DOCK3: variants seen among roughly 807,000 people sequenced by gnomAD.
The protein encoded by DOCK3 is dedicator of cytokinesis 3, also known as dedicator of cytokinesis protein 3.
Under a neutral mutation model 265.6 loss-of-function variants are expected in DOCK3, and 60 were observed. The observed-to-expected ratio is 0.23, with a 90% CI of 0.18 to 0.28. The LOEUF is 0.28. Among genes scored for constraint, DOCK3 ranks in the 10% least tolerant of loss-of-function variants. The pLI, the probability that DOCK3 is intolerant of heterozygous loss-of-function variation, is 1.00. For missense variants in DOCK3, 1,981 were observed against 2,594.3 expected, an observed-to-expected ratio of 0.76 and a Z score of 5.14; for synonymous variants, 881 against 938.0, an observed-to-expected ratio of 0.94 and a Z score of 1.11.
At chr3:51,272,100 G>A (rs2080533911) in intron 24 of DOCK3, among the ~76,000 whole-genome samples, 1 of 152,180 alleles carries the variant, frequency 6.6e-6, no homozygotes. Flanking sequence ...ATCAAGTTCT[G>A]CCTTGCAGGG....
intron 27 of DOCK3, among the ~76,000 whole-genome samples, chr3:51,292,614 T>C (rs982093932): frequency 2.0e-5 from 3 of 152,000 alleles, no homozygotes; most frequent in African/African-American, 7.2e-5. Context: ...TCTACAAAAA[T>C]AAAGAAGTTA....
At chr3:51,266,660 T>G (rs1403503487) in intron 23 of DOCK3, among the ~76,000 whole-genome samples, 1 of 152,102 alleles carries the variant, frequency 6.6e-6, no homozygotes, top group Non-Finnish European at 1.5e-5. Context: ...TCCTTACACC[T>G]TATACAAAAA....
At chr3:51,281,238 T>C (rs927268765) in intron 27 of DOCK3, among the ~76,000 whole-genome samples, 2 of 147,940 alleles carry the variant, frequency 1.4e-5, no homozygotes, top group East Asian at 2.0e-4. Context: ...GGCCACACAT[T>C]AAATACACTA....
At chr3:50,884,046 C>G (rs942323235) in intron 3 of DOCK3, among the ~76,000 whole-genome samples, 2 of 151,242 alleles carry the variant, frequency 1.3e-5, no homozygotes, top group African/African-American at 4.9e-5. Flanking sequence ...CATGTACGTT[C>G]CTTTTTATGG....
chr3:51,195,670 G>A (rs1015909011), intron 12 of DOCK3, among the ~76,000 whole-genome samples: 6 of 151,882 alleles, frequency 4.0e-5, no homozygotes, highest in South Asian at 2.1e-4. Flanking sequence ...TGCCCGCCTC[G>A]GCCTCCCAAA....
At chr3:50,790,167 C>T (rs2042392124) in intron 2 of DOCK3, among the ~76,000 whole-genome samples, 1 of 152,116 alleles carries the variant, frequency 6.6e-6, no homozygotes, top group African/African-American at 2.4e-5. Context: ...TATCTTTTTC[C>T]ACCTTTTTAC....
chr3:51,320,714 T>C (rs2083661676), intron 32 of DOCK3, among the ~76,000 whole-genome samples: 1 of 152,100 alleles, frequency 6.6e-6, no homozygotes, highest in African/African-American at 2.4e-5. Context: ...CACCAGGAAG[T>C]TTGAACTGGG....
intron 5 of DOCK3, among the ~76,000 whole-genome samples, chr3:50,974,969 G>A (rs1352619214): frequency 1.4e-5 from 2 of 145,656 alleles, no homozygotes; most frequent in Non-Finnish European, 3.0e-5. Flanking sequence ...AAGAATGCTT[G>A]TGATTTTTGT....
At chr3:51,239,816 C>A (rs2108506352) in intron 21 of DOCK3, among the ~76,000 whole-genome samples, 1 of 151,938 alleles carries the variant, frequency 6.6e-6, no homozygotes, top group South Asian at 2.1e-4. Flanking sequence ...CTTTTCATTT[C>A]TGATTGTATT....
intron 27 of DOCK3, among the ~76,000 whole-genome samples, chr3:51,296,878 G>T (rs1255252947): frequency 6.6e-6 from 1 of 151,982 alleles, no homozygotes; most frequent in Non-Finnish European, 1.5e-5. Context: ...CAGCACTTTG[G>T]GCGTCTGAGG....
In DOCK3 at chr3:51,381,399, A is replaced by C. The variant is rs1553618629; in HGVS notation, c.5933A>C (p.Tyr1978Ser). ...MDPPALPPKP[Y>S]HPRLPALEHD... ...CCGCCTGCGCTGCCGCCCAAGCCCT[A>C]CCACCCCCGCCTGCCGGCCCTGGAG... Residue 1978 changes from tyrosine (Y) to serine (S), a missense_variant, in exon 53 of 53, where the codon TAC (tyrosine) becomes TCC (serine). Tyr to Ser is a moderately radical substitution (Grantham distance 144). This residue lies in a region of DOCK3 where 149 missense variants were observed against 144.7 expected (regional missense o/e 1.03). Transcript: ENST00000266037. The surrounding 1 kb of genome is among the most constrained non-coding windows in gnomAD (Gnocchi z 5.6). 1 of 1,611,966 alleles carries C rather than the reference A, an allele frequency of 6.2e-7. No individual in the cohort carries two copies.
chr3:51,368,574 A>G (rs1357605466), intron 49 of DOCK3, among the ~76,000 whole-genome samples: 2 of 152,194 alleles, frequency 1.3e-5, no homozygotes, highest in Non-Finnish European at 2.9e-5. Context: ...AACTGGGTGG[A>G]GCCCACTGCA....
intron 1 of DOCK3, among the ~76,000 whole-genome samples, chr3:50,761,253 C>T (rs1247873901): frequency 6.6e-6 from 1 of 152,136 alleles, no homozygotes; most frequent in Admixed American, 6.5e-5. Context: ...TTTTGCAACA[C>T]ACATGGTACG....
At chr3:51,064,831 G>A (rs1407239060) in intron 6 of DOCK3, among the ~76,000 whole-genome samples, 1 of 152,128 alleles carries the variant, frequency 6.6e-6, no homozygotes, top group African/African-American at 2.4e-5. Flanking sequence ...GAAAAGAAGA[G>A]GTAAATAATA....
intron 3 of DOCK3, among the ~76,000 whole-genome samples, chr3:50,842,317 G>A (rs902641875): frequency 6.6e-6 from 1 of 151,762 alleles, no homozygotes; most frequent in Non-Finnish European, 1.5e-5. Context: ...AGCTTTTCTT[G>A]TATGTTTCTG....
intron 5 of DOCK3, among the ~76,000 whole-genome samples, chr3:51,054,885 T>G (rs988483666): frequency 6.6e-6 from 1 of 152,222 alleles, no homozygotes; most frequent in Non-Finnish European, 1.5e-5. Context: ...TCTTTGAAAT[T>G]TTCTTTTATT....
At chr3:50,849,491 G>C (rs574867456) in intron 3 of DOCK3, among the ~76,000 whole-genome samples, 4 of 151,812 alleles carry the variant, frequency 2.6e-5, no homozygotes, top group East Asian at 3.9e-4. Flanking sequence ...GTCTCTCTCT[G>C]TCACCCAGGT....
intron 51 of DOCK3, chr3:51,379,545 C>G: frequency 1.0e-6 from 1 of 985,474 alleles, no homozygotes; most frequent in Non-Finnish European, 1.2e-6. Context: ...CTGGCCCCCC[C>G]AGTGCCTCCC....
chr3:50,880,909 A>C (rs1253697738), intron 3 of DOCK3, among the ~76,000 whole-genome samples: 1 of 152,126 alleles, frequency 6.6e-6, no homozygotes, highest in African/African-American at 2.4e-5. Flanking sequence ...TCCAGCAGCG[A>C]ATCAAAAAGC....
Sources: allele counts gnomAD v4.1 joint callset (sites outside exome capture counted in the v4.1 genomes callset), GRCh38; gene constraint gnomAD v4.1.1; regional missense constraint gnomAD v4.1.1; non-coding constraint Gnocchi (gnomAD v3.1); transcripts MANE v1.5; gene names NCBI Gene and HGNC (gene_info 2026-07-23, HGNC 2026-07-21).